Variants in AFF3 observed in about 807,000 individuals in gnomAD.
AFF3 encodes ALF transcription elongation factor 3.
Under a neutral mutation model 129.7 loss-of-function variants are expected in AFF3, and 32 were observed. The observed-to-expected ratio is 0.25, with a 90% CI of 0.19 to 0.33. The LOEUF is 0.33. Among genes scored for constraint, AFF3 ranks in the 10% least tolerant of loss-of-function variants. AFF3 has a pLI of 1.00. For synonymous variants in AFF3, 644 were observed against 635.4 expected (o/e 1.01, Z -0.20); for missense variants, 1,373 against 1,592.0 (o/e 0.86, Z 2.34).
chr2:99,726,825 T>C (rs564159857), intron 11 of AFF3, among the ~76,000 whole-genome samples: 1 of 152,314 alleles, frequency 6.6e-6, no homozygotes, highest in Non-Finnish European at 1.5e-5. Flanking sequence ...CCCCCCAGCA[T>C]ACATGCTCAA....
Position 99,558,903 on chromosome 2 carries a change from T to A in AFF3, c.3257A>T (p.Tyr1086Phe). ...GAAATAGTCGATTAGTGCTTTTGAA[T>A]ACTTTACAGCGTGGTCCCTTTTGAG... ...FRLKRDHAVKYSKALIDYFKN... is the reference protein window; with the variant it reads ...FRLKRDHAVKFSKALIDYFKN... The change falls in exon 22 of 25, where the codon TAT (tyrosine) becomes TTT (phenylalanine). Residue 1086 changes from tyrosine to phenylalanine, a missense_variant. Coordinates refer to ENST00000672756, the MANE Select transcript of AFF3 (RefSeq NM_001386135.1). 1 of 1,614,150 alleles carries A rather than the reference T, an allele frequency of 6.2e-7. No homozygotes were observed. The highest frequency in any genetic ancestry group is 8.5e-7 in the Non-Finnish European group (1 of 1,179,992).
At chr2:100,049,296 C>T (rs1284563591) in intron 4 of AFF3, among the ~76,000 whole-genome samples, 5 of 152,250 alleles carry the variant, frequency 3.3e-5, no homozygotes, top group South Asian at 2.1e-4. Context: ...GGGATATTCT[C>T]GCATCTTATA....
chr2:99,702,387 T>C (rs994455886), intron 11 of AFF3, among the ~76,000 whole-genome samples: 4 of 152,230 alleles, frequency 2.6e-5, no homozygotes, highest in Admixed American at 2.0e-4. Context: ...GTCACTCAGC[T>C]GGAGTGCAGT....
chr2:100,104,536 G>T lies in AFF3; in HGVS notation c.-64-18C>A. 1 of 1,200,206 alleles carries T rather than the reference G, an allele frequency of 8.3e-7. No homozygotes were observed. Among genetic ancestry groups the T allele is most frequent in the Non-Finnish European group, 1.1e-6 (1 of 946,354 alleles). 74.3% of individuals were successfully genotyped at this position (1,200,206 alleles called of 1,614,324 possible). ...CCCGCGCGCTGCAACGAAAGGCGCC[G>T]CTCAAGGTGCATCCCAGCCGCGCCA... On this transcript the variant is annotated intron_variant, in intron 3 of 24. Transcript: ENST00000672756.
intron 7 of AFF3, among the ~76,000 whole-genome samples, chr2:99,988,445 G>A (rs903466600): frequency 1.3e-5 from 2 of 152,172 alleles, no homozygotes; most frequent in Non-Finnish European, 2.9e-5. Context: ...TAAAGCTGGA[G>A]GGGTGAGGTG....
chr2:99,783,770 T>A (rs911867505), intron 8 of AFF3, among the ~76,000 whole-genome samples: 4 of 152,218 alleles, frequency 2.6e-5, no homozygotes, highest in African/African-American at 9.6e-5. Flanking sequence ...ACTGAAGGTA[T>A]ATATCCAGCC....
intron 4 of AFF3, among the ~76,000 whole-genome samples, chr2:100,085,745 C>T (rs1162546331): frequency 6.6e-6 from 1 of 152,200 alleles, no homozygotes; most frequent in African/African-American, 2.4e-5. Flanking sequence ...ACAGATCTAA[C>T]AGTCCAAGAG....
rs897449205 is a variant in AFF3 at position 100,001,115 on chromosome 2, C to G, written c.873+5517G>C. On this transcript the variant is annotated intron_variant, in intron 7 of 24. Transcript: ENST00000672756. Reference sequence around the variant, plus strand: ...GCCCTGTAATCTGTTCAGACGCATTCCGGGGGAGAAAGCTTTACGAGAACT... The same window carrying G: ...GCCCTGTAATCTGTTCAGACGCATTGCGGGGGAGAAAGCTTTACGAGAACT... 2.0e-5 allele frequency among the ~76,000 whole-genome samples: 3 copies of G among 152,278 alleles called. No homozygotes were observed. In the East Asian group the frequency reaches 5.8e-4, roughly 29 times the overall value.
intron 11 of AFF3, among the ~76,000 whole-genome samples, chr2:99,715,622 G>A (rs1035370514): frequency 6.6e-6 from 1 of 151,408 alleles, no homozygotes; most frequent in South Asian, 2.1e-4. Context: ...TTTTTCCTCC[G>A]AGGAGTTCAA....
chr2:99,736,274 T>G (rs60482936), intron 10 of AFF3, among the ~76,000 whole-genome samples: 9,172 of 152,280 alleles, frequency 0.06, 940 homozygotes, highest in African/African-American at 0.21. Flanking sequence ...TTTTAAAAAT[T>G]TGAAGCTTTG....
rs555640455 is a variant in AFF3 at position 99,759,747 on chromosome 2, C to T, written c.922-7446G>A. ...AAATACAAAATATGTAATATACATA[C>T]AAAATGTAATTTATGAGGTACAATG... is the stretch of plus-strand genomic sequence containing the variant. On this transcript the variant is annotated intron_variant, in intron 8 of 24. Coordinates refer to ENST00000672756, the MANE Select transcript of AFF3 (RefSeq NM_001386135.1). 2.2e-3 allele frequency among the ~76,000 whole-genome samples: 328 copies of T among 152,226 alleles called. 1 individual carries two copies. Among genetic ancestry groups the T allele is most frequent in the African/African-American group, 7.5e-3 (311 of 41,536 alleles).
At chr2:99,659,562 T>C (rs1378549386) in intron 12 of AFF3, among the ~76,000 whole-genome samples, 1 of 152,152 alleles carries the variant, frequency 6.6e-6, no homozygotes, top group Non-Finnish European at 1.5e-5. Flanking sequence ...TAGAGGTCTG[T>C]GACATACAAT....
At chr2:99,768,780 A>G (rs1683225263) in intron 8 of AFF3, among the ~76,000 whole-genome samples, 2 of 152,304 alleles carry the variant, frequency 1.3e-5, no homozygotes, top group Admixed American at 6.5e-5. Flanking sequence ...TTCTGGGGTA[A>G]AAGTTTTTTT....
At chr2:99,803,944 A>AACAC (rs1292283652) in intron 8 of AFF3, among the ~76,000 whole-genome samples, 3 of 152,138 alleles carry the variant, frequency 2.0e-5, no homozygotes, top group African/African-American at 7.3e-5. Flanking sequence ...AGACGGATCA[A>AACAC]ACACTTAAAT....
chr2:100,122,127 G>A (rs1162800651), intron 2 of AFF3, among the ~76,000 whole-genome samples: 4 of 152,158 alleles, frequency 2.6e-5, no homozygotes, highest in Non-Finnish European at 4.4e-5. Context: ...CACAAGTTGG[G>A]GAAATTAATG....
At chr2:99,915,739 G>C (rs1695431388) in intron 7 of AFF3, among the ~76,000 whole-genome samples, 2 of 152,122 alleles carry the variant, frequency 1.3e-5, no homozygotes, top group Non-Finnish European at 2.9e-5. Flanking sequence ...TAACTGAAAT[G>C]AATTTGCTAT....
chr2:99,906,597 G>A (rs1481645725), intron 7 of AFF3, among the ~76,000 whole-genome samples: 1 of 152,100 alleles, frequency 6.6e-6, no homozygotes, highest in East Asian at 1.9e-4. Context: ...CTTTAAGGAA[G>A]AGCATCCCAG....
At chr2:99,826,730 C>T (rs769415689) in intron 8 of AFF3, among the ~76,000 whole-genome samples, 4 of 152,086 alleles carry the variant, frequency 2.6e-5, no homozygotes, top group Non-Finnish European at 5.9e-5. Flanking sequence ...ACAGCATGTG[C>T]GACTCTGCAA....
chr2:99,580,193 C>A (rs1677395064), intron 17 of AFF3, among the ~76,000 whole-genome samples: 1 of 152,154 alleles, frequency 6.6e-6, no homozygotes, highest in Non-Finnish European at 1.5e-5. Context: ...CTGTAATGCT[C>A]TTTGTCTCTT....
Sources: allele counts gnomAD v4.1 joint callset (sites outside exome capture counted in the v4.1 genomes callset), GRCh38; gene constraint gnomAD v4.1.1; transcripts MANE v1.5; gene names NCBI Gene and HGNC (gene_info 2026-07-23, HGNC 2026-07-21).